Variants in TDRD5 observed in about 807,000 individuals in gnomAD.
TDRD5 encodes the protein tudor domain containing 5.
TDRD5 carries 41 observed loss-of-function variants against 120.6 expected under a neutral mutation model. That is an observed-to-expected ratio of 0.34 (90% CI 0.26 to 0.44). TDRD5 has a LOEUF of 0.44. TDRD5 is among the 20% of genes least tolerant of loss of function. TDRD5 has a pLI of 1.00. For synonymous variants in TDRD5, 430 were observed against 433.7 expected (o/e 0.99, Z 0.11); for missense variants, 1,006 against 1,221.2 (o/e 0.82, Z 2.63).
chr1:179,619,261 T>C (rs1051911733), intron 5 of TDRD5, among the ~76,000 whole-genome samples: 1 of 152,322 alleles, frequency 6.6e-6, no homozygotes, highest in South Asian at 2.1e-4. Flanking sequence ...TTGTTTTAGT[T>C]TATCTTTTGA....
Position 179,650,933 on chromosome 1 carries a change from G to T in TDRD5, c.1867G>T (p.Val623Leu), listed in dbSNP as rs773251028. The T allele has an allele frequency of 2.5e-6, 4 of 1,614,128 alleles. No homozygotes were observed. In the Admixed American group the frequency reaches 5.0e-5, roughly 20 times the overall value. ...KLCGLKPLVG[V>L]VDEYVDGILN... ...GTGCGGTTTGAAGCCATTAGTGGGG[G>T]TAGTGGATGAATATGTAGATGGAAT... Residue 623 changes from valine (V) to leucine (L), a missense_variant, in exon 12 of 18, where the codon GTA becomes TTA. Val to Leu is a conservative substitution (Grantham distance 32). This residue lies in a region of TDRD5 where 158 missense variants were observed against 257.5 expected (regional missense o/e 0.61). Coordinates refer to ENST00000444136, the MANE Select transcript of TDRD5 (RefSeq NM_001199085.3).
At chr1:179,654,130 T>C (rs750418126) in intron 13 of TDRD5, 71 bp from the exon 14 acceptor site, 8 of 1,290,100 alleles carry the variant, frequency 6.2e-6, no homozygotes, top group African/African-American at 1.5e-5. Flanking sequence ...CCCCCCAAAA[T>C]GTATAGGCAT....
Position 179,690,742 on chromosome 1 carries a change from C to T in TDRD5, c.2907C>T (p.Ser969=), listed in dbSNP as rs754514262. ...EILKNEDFSS[S]RAITLYKDKR... Reference sequence around the variant, plus strand: ...TAAAGAATGAAGATTTTTCTAGCAGCCGTGCTATTACATTGTACAAAGACA... The same window carrying T: ...TAAAGAATGAAGATTTTTCTAGCAGTCGTGCTATTACATTGTACAAAGACA... Residue 969 remains serine (S), a synonymous_variant, in exon 18 of 18, where the codon AGC becomes AGT. Coordinates refer to ENST00000444136, the MANE Select transcript of TDRD5 (RefSeq NM_001199085.3). 15 of 1,614,022 alleles carry T rather than the reference C, an allele frequency of 9.3e-6. No homozygotes were observed. The highest frequency in any genetic ancestry group is 9.3e-6 in the Non-Finnish European group (11 of 1,180,016).
chr1:179,649,865 G>A (rs1678615076), intron 11 of TDRD5, among the ~76,000 whole-genome samples: 1 of 152,168 alleles, frequency 6.6e-6, no homozygotes, highest in African/African-American at 2.4e-5. Context: ...GGATTTACAT[G>A]TGCTTCTGCC....
intron 4 of TDRD5, among the ~76,000 whole-genome samples, chr1:179,604,122 G>C (rs1190982970): frequency 1.3e-5 from 2 of 151,990 alleles, no homozygotes; most frequent in Middle Eastern, 3.4e-3. Flanking sequence ...TATTTTTCCA[G>C]GAATTTATCC....
chr1:179,678,765 C>A (rs1680270270), intron 17 of TDRD5, among the ~76,000 whole-genome samples: 1 of 152,030 alleles, frequency 6.6e-6, no homozygotes, highest in Non-Finnish European at 1.5e-5. Flanking sequence ...CCTTGCTAAA[C>A]TCATTTGTTC....
chr1:179,599,337 G>C (rs1028899939), intron 4 of TDRD5, among the ~76,000 whole-genome samples: 2 of 151,932 alleles, frequency 1.3e-5, no homozygotes, highest in African/African-American at 2.4e-5. Flanking sequence ...TTTAATACAG[G>C]CCTCTTGTGA....
At chr1:179,592,452 G>A (rs1675159470) in intron 1 of TDRD5, 150 bp from the exon 2 acceptor site, 1 of 616,100 alleles carries the variant, frequency 1.6e-6, no homozygotes, top group Middle Eastern at 4.4e-4. Flanking sequence ...GCCCGGCCAC[G>A]CGCAAGCCGC....
At chr1:179,666,444 G>A (rs1346076410) in intron 16 of TDRD5, among the ~76,000 whole-genome samples, 1 of 152,128 alleles carries the variant, frequency 6.6e-6, no homozygotes, top group Admixed American at 6.5e-5. Flanking sequence ...GCTAAATTAG[G>A]TTGGCATGTT....
At chr1:179,666,011 A>AT (rs1370696072) in intron 16 of TDRD5, among the ~76,000 whole-genome samples, 1 of 152,118 alleles carries the variant, frequency 6.6e-6, no homozygotes, top group Non-Finnish European at 1.5e-5. Context: ...AACATTCCAA[A>AT]TTTTTTTAAT....
At chr1:179,660,288 C>T (rs1466702802) in intron 14 of TDRD5, among the ~76,000 whole-genome samples, 3 of 130,542 alleles carry the variant, frequency 2.3e-5, no homozygotes, top group Non-Finnish European at 3.1e-5. Context: ...GGCACAATCT[C>T]GGCTCACTGC....
At position 179,602,201 on chromosome 1, in the gene TDRD5, C is replaced by T. The variant is rs116805336; in HGVS notation, c.831+6383C>T. 4.9e-3 allele frequency among the ~76,000 whole-genome samples: 744 copies of T among 152,310 alleles called. 6 individuals carry two copies. The highest frequency in any genetic ancestry group is 0.017 in the African/African-American group (710 of 41,576). On this transcript the variant is annotated intron_variant, in intron 4 of 17. Transcript: ENST00000444136. ...CAGCATAGAAGTGTTCCCTGTTAAC[C>T]GCATTCATGCCAACATCTGTTTTTT...
At chr1:179,592,461 G>A (rs1675160343) in intron 1 of TDRD5, 141 bp from the exon 2 acceptor site, 1 of 646,830 alleles carries the variant, frequency 1.5e-6, no homozygotes, top group Non-Finnish European at 2.6e-6. Flanking sequence ...CGCGCAAGCC[G>A]CAGGGCACCC....
chr1:179,630,971 G>A (rs1677409383), intron 7 of TDRD5, 51 bp downstream of exon 7: 2 of 1,507,012 alleles, frequency 1.3e-6, no homozygotes, highest in South Asian at 2.7e-5. Flanking sequence ...GTCCTTATGA[G>A]GACAAAGAGA....
intron 17 of TDRD5, among the ~76,000 whole-genome samples, chr1:179,685,853 T>C (rs1680678359): frequency 6.6e-6 from 1 of 152,208 alleles, no homozygotes; most frequent in Admixed American, 6.5e-5. Flanking sequence ...TGTCTGTTAT[T>C]GGTGTATAGT....
intron 3 of TDRD5, 121 bp downstream of exon 3, chr1:179,593,988 G>A: frequency 2.3e-6 from 3 of 1,278,918 alleles, no homozygotes; most frequent in Non-Finnish European, 3.2e-6. Flanking sequence ...AGTGGTCTCA[G>A]GCGAACTGTT....
intron 17 of TDRD5, among the ~76,000 whole-genome samples, chr1:179,683,000 A>C (rs1211203933): frequency 6.7e-6 from 1 of 148,790 alleles, no homozygotes; most frequent in African/African-American, 2.5e-5. Flanking sequence ...GAGACCTCTC[A>C]GCAGATCCTC....
chr1:179,661,954 T>G, intron 14 of TDRD5, 150 bp from the exon 15 acceptor site: 1 of 644,714 alleles, frequency 1.6e-6, no homozygotes, highest in Non-Finnish European at 2.4e-6. Flanking sequence ...CTTTATTATT[T>G]TGGTGGCATT....
At chr1:179,643,541 C>T (rs771989225) in intron 11 of TDRD5, among the ~76,000 whole-genome samples, 6 of 152,044 alleles carry the variant, frequency 3.9e-5, no homozygotes, top group Non-Finnish European at 7.4e-5. Context: ...ATTCTAGAGT[C>T]GTAAAGTGAA....
Sources: allele counts gnomAD v4.1 joint callset (sites outside exome capture counted in the v4.1 genomes callset), GRCh38; gene constraint gnomAD v4.1.1; regional missense constraint gnomAD v4.1.1; transcripts MANE v1.5; gene names NCBI Gene and HGNC (gene_info 2026-07-23, HGNC 2026-07-21).